FCHSD2: variants seen among roughly 807,000 people sequenced by gnomAD.
The protein encoded by FCHSD2 is FCH and double SH3 domains 2.
Under a neutral mutation model 108.1 loss-of-function variants are expected in FCHSD2, and 38 were observed. The observed-to-expected ratio is 0.35, with a 90% CI of 0.27 to 0.46. FCHSD2 has a LOEUF of 0.46. FCHSD2 is among the 20% of genes least tolerant of loss of function. FCHSD2 has a pLI of 1.00. For synonymous variants in FCHSD2, 279 were observed against 314.7 expected (o/e 0.89, Z 1.20); for missense variants, 751 against 897.8 (o/e 0.84, Z 2.09).
chr11:72,954,074 G>A (rs370871782), intron 8 of FCHSD2, among the ~76,000 whole-genome samples: 2 of 152,030 alleles, frequency 1.3e-5, no homozygotes, highest in East Asian at 3.8e-4. Context: ...TGGCTATTAC[G>A]CAGAGAATAG....
At position 72,916,964 on chromosome 11, in the gene FCHSD2, C is replaced by T. The variant is rs1855885631; in HGVS notation, c.828+4864G>A. ...AAGGGTTCACAACTTCATTGAACTTCATTCTTTTTTTTTTTTTTTTTTTTT... is the reference window on the plus strand; with the variant it reads ...AAGGGTTCACAACTTCATTGAACTTTATTCTTTTTTTTTTTTTTTTTTTTT... On this transcript the variant is annotated intron_variant, in intron 9 of 19. Transcript: ENST00000409418. Among the ~76,000 whole-genome samples, 3 of 129,854 alleles carry T rather than the reference C, an allele frequency of 2.3e-5. No individual in the cohort carries two copies. The Admixed American group carries it at 2.6e-4, about 11-fold the overall frequency. 85.2% of individuals were successfully genotyped at this position (129,854 alleles called of 152,430 possible).
At chr11:73,048,785 T>C (rs1858825566) in intron 3 of FCHSD2, among the ~76,000 whole-genome samples, 2 of 152,166 alleles carry the variant, frequency 1.3e-5, no homozygotes, top group Admixed American at 6.6e-5. Context: ...TATGTATAGT[T>C]CACCTCAAGA....
chr11:73,108,817 C>T (rs1390695046), intron 2 of FCHSD2, among the ~76,000 whole-genome samples: 6 of 152,132 alleles, frequency 3.9e-5, no homozygotes, highest in East Asian at 3.9e-4. Flanking sequence ...ATGATCCACC[C>T]GCTTCGGCCT....
chr11:72,934,331 C>CA (rs1856257528), intron 8 of FCHSD2, among the ~76,000 whole-genome samples: 1 of 133,076 alleles, frequency 7.5e-6, no homozygotes, highest in South Asian at 2.4e-4. Context: ...AGAGCCATGC[C>CA]TTTTTTTTTT....
intron 3 of FCHSD2, among the ~76,000 whole-genome samples, chr11:73,016,836 C>A (rs1483767383): frequency 1.3e-5 from 2 of 152,146 alleles, no homozygotes; most frequent in Admixed American, 1.3e-4. Context: ...CAACACAAAT[C>A]TGGATAAAAC....
chr11:72,940,601 C>A, intron 8 of FCHSD2: 1 of 1,439,030 alleles, frequency 6.9e-7, no homozygotes, highest in Non-Finnish European at 9.7e-7. Flanking sequence ...CAGCTCTCTG[C>A]TCTCCACAGG....
rs1033262813 is a variant in FCHSD2 at position 73,027,858 on chromosome 11, C to T, written c.166-11973G>A. ...GGCTAAAAGGGGCCAAGGTACAGCT[C>T]GAGCTGTTGCTTCAGAGGGTGCAAG... On this transcript the variant is annotated intron_variant, in intron 3 of 19. Transcript: ENST00000409418. Among the ~76,000 whole-genome samples, 14 of 152,364 alleles carry T rather than the reference C, an allele frequency of 9.2e-5. No homozygotes were observed. The East Asian group carries it at 1.7e-3, about 19-fold the overall frequency.
At chr11:72,993,227 T>C (rs1310984006) in intron 5 of FCHSD2, among the ~76,000 whole-genome samples, 5 of 152,164 alleles carry the variant, frequency 3.3e-5, no homozygotes, top group African/African-American at 1.2e-4. Context: ...TCACACCAGT[T>C]AGAATGGCGA....
intron 9 of FCHSD2, among the ~76,000 whole-genome samples, chr11:72,908,432 T>C (rs1855680426): frequency 6.6e-6 from 1 of 152,192 alleles, no homozygotes; most frequent in South Asian, 2.1e-4. Flanking sequence ...GGCAGTTCTA[T>C]TTTTAGTTTG....
chr11:73,067,069 G>C (rs893153308), intron 3 of FCHSD2, among the ~76,000 whole-genome samples: 2 of 152,076 alleles, frequency 1.3e-5, no homozygotes, highest in Non-Finnish European at 2.9e-5. Flanking sequence ...CAATAGCAAA[G>C]ACTTGGAACC....
chr11:72,869,896 A>G (rs532403832), intron 12 of FCHSD2, among the ~76,000 whole-genome samples: 6 of 152,266 alleles, frequency 3.9e-5, no homozygotes, highest in African/African-American at 1.2e-4. Context: ...AAAAACTTTC[A>G]TAACTCCTGA....
At chr11:73,088,273 G>C (rs938202367) in intron 2 of FCHSD2, among the ~76,000 whole-genome samples, 7 of 152,112 alleles carry the variant, frequency 4.6e-5, no homozygotes, top group Non-Finnish European at 1.0e-4. Flanking sequence ...ACAGTATTCA[G>C]TACAGTAACA....
intron 12 of FCHSD2, among the ~76,000 whole-genome samples, chr11:72,871,672 A>G (rs920795422): frequency 6.6e-6 from 1 of 151,760 alleles, no homozygotes; most frequent in Non-Finnish European, 1.5e-5. Context: ...TGAGTCCAGG[A>G]GTTTGAGGCT....
intron 10 of FCHSD2, among the ~76,000 whole-genome samples, chr11:72,890,169 C>T (rs147129619): frequency 3.1e-4 from 47 of 152,280 alleles, no homozygotes; most frequent in Non-Finnish European, 6.3e-4. Flanking sequence ...CACTGCTGAA[C>T]ACAAAAGCAT....
intron 14 of FCHSD2, among the ~76,000 whole-genome samples, chr11:72,845,864 C>T (rs1462312907): frequency 6.6e-6 from 1 of 152,036 alleles, no homozygotes; most frequent in African/African-American, 2.4e-5. Flanking sequence ...CCTCAGTTTT[C>T]TTTTTTCGTA....
At chr11:72,884,973 T>A (rs1318627089) in intron 12 of FCHSD2, among the ~76,000 whole-genome samples, 1 of 152,164 alleles carries the variant, frequency 6.6e-6, no homozygotes, top group Non-Finnish European at 1.5e-5. Context: ...ATATAACCAG[T>A]GTTCTCTCTT....
chr11:72,922,746 T>C (rs1040600811), intron 8 of FCHSD2, among the ~76,000 whole-genome samples: 4 of 152,194 alleles, frequency 2.6e-5, no homozygotes, highest in African/African-American at 9.6e-5. Flanking sequence ...ATAATCAAGG[T>C]TCTGAAGTCT....
chr11:73,085,924 C>T (rs866976024), intron 2 of FCHSD2, among the ~76,000 whole-genome samples: 1 of 152,058 alleles, frequency 6.6e-6, no homozygotes, highest in Non-Finnish European at 1.5e-5. Flanking sequence ...CAAGCCAATA[C>T]AAATTGTCCC....
intron 4 of FCHSD2, among the ~76,000 whole-genome samples, chr11:73,009,507 T>C (rs1234555231): frequency 6.6e-6 from 1 of 151,928 alleles, no homozygotes; most frequent in African/African-American, 2.4e-5. Context: ...AAAAACAAAG[T>C]CATACTAGAA....
Sources: gnomAD v4.1 joint callset for allele counts (sites outside exome capture counted in the v4.1 genomes callset) on GRCh38, gnomAD v4.1.1 for gene constraint, MANE v1.5 for transcripts, NCBI Gene and HGNC (gene_info 2026-07-23, HGNC 2026-07-21) for gene names.